The following ATP8B4 variants were observed in gnomAD, a reference collection of about 807,000 sequenced individuals.
The protein encoded by ATP8B4 is probable phospholipid-transporting ATPase IM.
In ATP8B4, 133 loss-of-function variants were observed where a neutral mutation model predicts 145.6. That is an observed-to-expected ratio of 0.91 (90% CI 0.79 to 1.05). The LOEUF (loss-of-function observed/expected upper bound fraction) is 1.05. Among genes scored for constraint, ATP8B4 ranks in the 50% least tolerant of loss-of-function variants. The pLI is 0.00. For synonymous variants in ATP8B4, 507 were observed against 492.9 expected, an observed-to-expected ratio of 1.03 and a Z score of -0.38; for missense variants, 1,458 against 1,425.2, an observed-to-expected ratio of 1.02 and a Z score of -0.37.
At chr15:49,979,863 T>A in intron 11 of ATP8B4, 50 bp from the exon 12 acceptor site, 1 of 1,340,146 alleles carries the variant, frequency 7.5e-7, no homozygotes, top group Non-Finnish European at 1.0e-6. Flanking sequence ...TCAAAATTAG[T>A]CATATCAACA....
At chr15:49,862,877 T>C (rs370195627) in intron 26 of ATP8B4, among the ~76,000 whole-genome samples, 1 of 152,232 alleles carries the variant, frequency 6.6e-6, no homozygotes, top group South Asian at 2.1e-4. Context: ...ATTACCAGCC[T>C]GAGCCAAGCA....
intron 6 of ATP8B4, among the ~76,000 whole-genome samples, chr15:50,020,626 G>T (rs972640387): frequency 6.6e-6 from 1 of 152,060 alleles, no homozygotes; most frequent in African/African-American, 2.4e-5. Flanking sequence ...TATCTTGATA[G>T]AATTCTGGTT....
At chr15:49,961,843 C>T in intron 14 of ATP8B4, 134 bp downstream of exon 14, 1 of 697,482 alleles carries the variant, frequency 1.4e-6, no homozygotes, top group South Asian at 2.2e-5. Flanking sequence ...TCATATTAAT[C>T]TATTTTTTAA....
chr15:49,887,663 G>GA (rs770772653), intron 23 of ATP8B4, among the ~76,000 whole-genome samples: 221 of 138,766 alleles, frequency 1.6e-3, no homozygotes, highest in Middle Eastern at 3.7e-3. Context: ...TCACAGATCA[G>GA]AAAAAAAAAA....
At chr15:50,033,833 G>C (rs888981765) in intron 6 of ATP8B4, among the ~76,000 whole-genome samples, 4 of 152,142 alleles carry the variant, frequency 2.6e-5, no homozygotes, top group Admixed American at 6.5e-5. Flanking sequence ...CTGTTCCTGT[G>C]TTAATTTACT....
chr15:50,166,517 T>C (rs2140855965), intron 1 of ATP8B4, among the ~76,000 whole-genome samples: 1 of 152,304 alleles, frequency 6.6e-6, no homozygotes, highest in East Asian at 1.9e-4. Flanking sequence ...TTATTTATAG[T>C]GACGATGTTT....
At chr15:49,863,802 T>G (rs2032290792) in intron 26 of ATP8B4, among the ~76,000 whole-genome samples, 1 of 152,138 alleles carries the variant, frequency 6.6e-6, no homozygotes, top group African/African-American at 2.4e-5. Flanking sequence ...TGTTTGCTGC[T>G]AGCTACTAAG....
At chr15:49,934,226 C>A (rs372134511) in intron 14 of ATP8B4, 44 bp from the exon 15 acceptor site, 1 of 1,543,868 alleles carries the variant, frequency 6.5e-7, no homozygotes, top group Non-Finnish European at 8.7e-7. Flanking sequence ...AACCTCATTC[C>A]AATAATTATC....
At chr15:50,046,121 A>G (rs1263464241) in intron 4 of ATP8B4, among the ~76,000 whole-genome samples, 2 of 150,818 alleles carry the variant, frequency 1.3e-5, no homozygotes, top group African/African-American at 2.4e-5. Flanking sequence ...TTGGCATATG[A>G]TCTTGGTTAA....
intron 8 of ATP8B4, among the ~76,000 whole-genome samples, chr15:50,000,661 A>G (rs1022612219): frequency 6.6e-6 from 1 of 152,180 alleles, no homozygotes; most frequent in Non-Finnish European, 1.5e-5. Flanking sequence ...CTTATCTTTA[A>G]GTCCTCCTAA....
intron 12 of ATP8B4, 56 bp downstream of exon 12, chr15:49,979,561 T>C (rs1348122634): frequency 1.5e-6 from 2 of 1,323,128 alleles, no homozygotes; most frequent in African/African-American, 1.5e-5. Context: ...ACAAATAATA[T>C]TGGAAACAAA....
chr15:49,933,381 G>A (rs1231428166), intron 15 of ATP8B4, among the ~76,000 whole-genome samples: 1 of 151,964 alleles, frequency 6.6e-6, no homozygotes, highest in Non-Finnish European at 1.5e-5. Context: ...GTTCAACTAG[G>A]GCAAGAAGCC....
chr15:50,106,291 T>C (rs1034269130), intron 2 of ATP8B4, among the ~76,000 whole-genome samples: 1 of 152,130 alleles, frequency 6.6e-6, no homozygotes, highest in Non-Finnish European at 1.5e-5. Context: ...CATAATAGCC[T>C]GTCACTGACT....
chr15:50,150,985 G>A (rs1314992967), intron 1 of ATP8B4, among the ~76,000 whole-genome samples: 2 of 152,196 alleles, frequency 1.3e-5, no homozygotes, highest in Non-Finnish European at 2.9e-5. Context: ...TCTAGAGCAT[G>A]AAAACATCTC....
intron 16 of ATP8B4, among the ~76,000 whole-genome samples, chr15:49,930,727 C>T (rs2041174820): frequency 6.6e-6 from 1 of 152,058 alleles, no homozygotes; most frequent in African/African-American, 2.4e-5. Context: ...GGGCAAGTTA[C>T]TCAACCTTTC....
intron 14 of ATP8B4, among the ~76,000 whole-genome samples, chr15:49,949,391 G>GTTTGCTGTA (rs949046308): frequency 6.6e-6 from 1 of 152,086 alleles, no homozygotes; most frequent in Non-Finnish European, 1.5e-5. Context: ...CACATCCTTT[G>GTTTGCTGTA]TTTGCTGTAT....
intron 20 of ATP8B4, among the ~76,000 whole-genome samples, chr15:49,916,533 T>C (rs533009935): frequency 5.9e-5 from 9 of 152,298 alleles, no homozygotes; most frequent in African/African-American, 1.9e-4. Flanking sequence ...CCATATCCCA[T>C]TCCGTGTAGA....
intron 7 of ATP8B4, among the ~76,000 whole-genome samples, chr15:50,007,465 G>A (rs2048392642): frequency 6.6e-6 from 1 of 152,192 alleles, no homozygotes; most frequent in African/African-American, 2.4e-5. Flanking sequence ...GCTGTTTGAC[G>A]GCACTGTGCC....
At chr15:49,874,651 T>C (rs539954111) in intron 25 of ATP8B4, among the ~76,000 whole-genome samples, 2 of 152,310 alleles carry the variant, frequency 1.3e-5, no homozygotes, top group Non-Finnish European at 2.9e-5. Context: ...TGGATATCAT[T>C]CTATATCATT....
Sources: allele counts gnomAD v4.1 joint callset (sites outside exome capture counted in the v4.1 genomes callset), GRCh38; gene constraint gnomAD v4.1.1; transcripts MANE v1.5; gene names NCBI Gene and HGNC (gene_info 2026-07-23, HGNC 2026-07-21).